MYO18B: variants seen among roughly 807,000 people sequenced by gnomAD.
MYO18B encodes myosin XVIIIB.
MYO18B carries 204 observed loss-of-function variants against 273.0 expected under a neutral mutation model. The ratio of observed to expected loss-of-function variants is 0.75; its 90% confidence interval spans 0.67 to 0.84. The LOEUF is 0.84. MYO18B is among the 40% of genes least tolerant of loss of function. The pLI is 0.00. For synonymous variants in MYO18B, 1,330 were observed against 1,305.7 expected, an observed-to-expected ratio of 1.02 and a Z score of -0.40; for missense variants, 3,212 against 3,287.6, an observed-to-expected ratio of 0.98 and a Z score of 0.56.
intron 39 of MYO18B, chr22:25,964,149 T>G (rs1026326607): frequency 6.5e-6 from 1 of 152,672 alleles, no homozygotes; most frequent in African/African-American, 2.4e-5. Context: ...GCATGCAGCT[T>G]TGGGAGGGAT....
At chr22:25,823,763 A>G (rs1435646430) in intron 13 of MYO18B, 85 bp downstream of exon 13, 3 of 1,313,658 alleles carry the variant, frequency 2.3e-6, no homozygotes, top group East Asian at 4.6e-5. Context: ...TAACTTTTTT[A>G]TCAAAGATTT....
intron 40 of MYO18B, among the ~76,000 whole-genome samples, chr22:26,001,919 T>C (rs1024121724): frequency 6.6e-6 from 1 of 152,204 alleles, no homozygotes; most frequent in Non-Finnish European, 1.5e-5. Context: ...ATAAAGACTT[T>C]CCTGAGTGCT....
intron 12 of MYO18B, among the ~76,000 whole-genome samples, chr22:25,815,980 G>T (rs1327315276): frequency 6.6e-6 from 1 of 152,210 alleles, no homozygotes. Flanking sequence ...TGGCACATCG[G>T]CCAGGCCTTT....
chr22:25,867,874 G>T (rs146521369), intron 21 of MYO18B, among the ~76,000 whole-genome samples: 5 of 151,970 alleles, frequency 3.3e-5, no homozygotes, highest in African/African-American at 1.2e-4. Flanking sequence ...CTCGTGATCC[G>T]CCCACCTCAG....
chr22:25,979,049 G>A (rs2093123229), intron 39 of MYO18B, among the ~76,000 whole-genome samples: 1 of 152,200 alleles, frequency 6.6e-6, no homozygotes, highest in Non-Finnish European at 1.5e-5. Context: ...TTGTATTGAT[G>A]AGGTACTTGA....
chr22:25,896,679 G>A (rs1219848125), intron 28 of MYO18B: 1 of 151,750 alleles, frequency 6.6e-6, no homozygotes, highest in African/African-American at 2.4e-5. Context: ...CTTGTCTTCT[G>A]TGGCCTCCAA....
At chr22:26,053,824 A>T in the MYO18B span, among the ~76,000 whole-genome samples, 1 of 152,172 alleles carries the variant, frequency 6.6e-6, no homozygotes, top group Admixed American at 6.5e-5. Context: ...GCTATGAAGG[A>T]ATCTGAATGC....
intron 25 of MYO18B, among the ~76,000 whole-genome samples, chr22:25,878,804 ACT>A (rs2091266405): frequency 6.6e-6 from 1 of 152,192 alleles, no homozygotes; most frequent in South Asian, 2.1e-4. Flanking sequence ...TGATCTCATC[ACT>A]CTTGAACAAT....
At chr22:25,764,725 A>T (rs1289687869) in intron 3 of MYO18B, among the ~76,000 whole-genome samples, 2 of 152,176 alleles carry the variant, frequency 1.3e-5, no homozygotes, top group Non-Finnish European at 2.9e-5. Flanking sequence ...TGGGGGCCAA[A>T]GTTGACCCCG....
chr22:25,769,524 T>G, intron 4 of MYO18B, 96 bp downstream of exon 4: 114 of 1,115,500 alleles, frequency 1.0e-4, no homozygotes, highest in Admixed American at 1.5e-4. Flanking sequence ...GGACAAGGGG[T>G]GGACGGGGGG....
intron 34 of MYO18B, among the ~76,000 whole-genome samples, chr22:25,940,487 A>G (rs1427661800): frequency 6.6e-6 from 1 of 152,202 alleles, no homozygotes; most frequent in Non-Finnish European, 1.5e-5. Flanking sequence ...GTGAGAACAG[A>G]CTAATACGCA....
intron 42 of MYO18B, among the ~76,000 whole-genome samples, chr22:26,008,135 G>C (rs9613081): frequency 1.3e-4 from 19 of 151,924 alleles, no homozygotes; most frequent in African/African-American, 4.4e-4. Context: ...GTATGCATAA[G>C]TTCATCTCAT....
At chr22:25,929,655 G>C (rs540795265) in intron 34 of MYO18B, among the ~76,000 whole-genome samples, 3 of 152,066 alleles carry the variant, frequency 2.0e-5, no homozygotes, top group Non-Finnish European at 4.4e-5. Context: ...CTCTTTAGTC[G>C]TTTACTTAAT....
At chr22:25,780,590 C>CAAAAAAAAAAAAAAAAA (rs59082074) in intron 9 of MYO18B, among the ~76,000 whole-genome samples, 5 of 65,218 alleles carry the variant, frequency 7.7e-5, no homozygotes, top group East Asian at 4.7e-4. Flanking sequence ...AACTCCATCT[C>CAAAAAAAAAAAAAAAAA]AAAAAAAAAA....
At chr22:25,778,684 G>A (rs1474685039) in intron 8 of MYO18B, among the ~76,000 whole-genome samples, 1 of 151,734 alleles carries the variant, frequency 6.6e-6, no homozygotes, top group Non-Finnish European at 1.5e-5. Context: ...TAGAGATGGG[G>A]CTTCACCATG....
rs1011873306 is a variant in MYO18B at position 25,972,959 on chromosome 22, A to G, written c.6156+17595A>G. ...TGACAAAGTGACTCTGTCTCAAAGGAAAAAAAAAAAAAAAAAAAGAGATAG... is the reference window on the plus strand; with the variant it reads ...TGACAAAGTGACTCTGTCTCAAAGGGAAAAAAAAAAAAAAAAAAGAGATAG... On this transcript the variant is annotated intron_variant, in intron 39 of 43. Transcript: ENST00000335473. 6.8e-4 allele frequency among the ~76,000 whole-genome samples: 70 copies of G among 103,330 alleles called. 1 individual carries two copies. Among genetic ancestry groups the G allele is most frequent in the African/African-American group, 3.0e-3 (67 of 22,048 alleles). The allele number at this position is 103,330 out of a possible 152,430, so 67.8% of individuals were successfully genotyped here. A position where few individuals can be genotyped will look rare whatever the true frequency, so the allele number is the denominator to read the frequency against.
the MYO18B span, among the ~76,000 whole-genome samples, chr22:26,046,599 T>C: frequency 6.6e-6 from 1 of 152,198 alleles, no homozygotes; most frequent in Non-Finnish European, 1.5e-5. Context: ...CAGCATTTCT[T>C]GCTTGGATGC....
In MYO18B at chr22:25,780,038, C is replaced by T. The variant is rs1317766383; in HGVS notation, c.2069-18C>T. 3.2e-6 allele frequency: 5 copies of T among 1,567,758 alleles called. No individual in the cohort carries two copies. The African/African-American group carries it at 5.4e-5, about 17-fold the overall frequency. ...CCTGGGCCATCAGTGACATGTGGCC[C>T]CATGCTGCCCCCAACAGTGGAGAAG... is the stretch of plus-strand genomic sequence containing the variant. On this transcript the variant is annotated intron_variant, in intron 8 of 43. Transcript: ENST00000335473.
chr22:25,819,703 G>GA (rs2089192354), intron 12 of MYO18B, among the ~76,000 whole-genome samples: 1 of 152,132 alleles, frequency 6.6e-6, no homozygotes, highest in South Asian at 2.1e-4. Context: ...AAGTGAAGAT[G>GA]AAAAGTGAGT....
Sources: allele counts gnomAD v4.1 joint callset (sites outside exome capture counted in the v4.1 genomes callset), GRCh38; gene constraint gnomAD v4.1.1; transcripts MANE v1.5; gene names NCBI Gene and HGNC (gene_info 2026-07-23, HGNC 2026-07-21).